Variants in PACRG observed in about 807,000 individuals in gnomAD.
The protein encoded by PACRG is parkin coregulated.
Under a neutral mutation model 29.7 loss-of-function variants are expected in PACRG, and 29 were observed. That is an observed-to-expected ratio of 0.98 (90% CI 0.73 to 1.33). The LOEUF is 1.33. Ranked by LOEUF, PACRG falls within the 40% of genes most tolerant of loss-of-function variation. PACRG has a pLI of 0.00. For synonymous variants in PACRG, 116 were observed against 118.7 expected (o/e 0.98, Z 0.15); for missense variants, 279 against 316.2 (o/e 0.88, Z 0.89).
intron 1 of PACRG, among the ~76,000 whole-genome samples, chr6:162,752,040 A>G (rs894865183): frequency 6.6e-6 from 1 of 152,202 alleles, no homozygotes. Flanking sequence ...AAAAACATGA[A>G]GTATGGTAAA....
At chr6:163,275,408 C>A (rs1783989707) in intron 4 of PACRG, among the ~76,000 whole-genome samples, 1 of 152,172 alleles carries the variant, frequency 6.6e-6, no homozygotes, top group Non-Finnish European at 1.5e-5. Flanking sequence ...CAACACTCAG[C>A]ACTGATCATT....
At chr6:162,861,473 C>A (rs1791855466) in intron 2 of PACRG, among the ~76,000 whole-genome samples, 1 of 152,054 alleles carries the variant, frequency 6.6e-6, no homozygotes, top group Non-Finnish European at 1.5e-5. Context: ...TTGTATATTC[C>A]TCAAATTTTT....
At chr6:162,923,277 C>A (rs745496236) in intron 2 of PACRG, among the ~76,000 whole-genome samples, 7 of 152,136 alleles carry the variant, frequency 4.6e-5, no homozygotes, top group Non-Finnish European at 7.4e-5. Context: ...TGGTGTTCGT[C>A]CCTTGTCAGA....
intron 2 of PACRG, among the ~76,000 whole-genome samples, chr6:162,958,882 TATAGAGAGAG>T (rs1457778354): frequency 1.8e-3 from 27 of 15,102 alleles, no homozygotes; most frequent in South Asian, 3.3e-3. Context: ...TATATATATA[TATAGAGAGAG>T]AGAGAGAGAG....
chr6:163,224,367 T>TAAAAAA (rs1781701543), intron 4 of PACRG, among the ~76,000 whole-genome samples: 1 of 8,822 alleles, frequency 1.1e-4, no homozygotes, highest in African/African-American at 3.7e-4. Flanking sequence ...AGACTCCATC[T>TAAAAAA]CAAAAAAAAA....
intron 4 of PACRG, among the ~76,000 whole-genome samples, chr6:163,274,671 C>T (rs1195899449): frequency 6.6e-6 from 1 of 152,188 alleles, no homozygotes; most frequent in East Asian, 1.9e-4. Flanking sequence ...GTTCCTATTT[C>T]TCCACATCCT....
intron 2 of PACRG, among the ~76,000 whole-genome samples, chr6:162,903,611 A>G (rs1795722204): frequency 6.6e-6 from 1 of 152,174 alleles, no homozygotes; most frequent in Non-Finnish European, 1.5e-5. Flanking sequence ...TATGGGGGAA[A>G]CTGCCCCCAT....
intron 2 of PACRG, among the ~76,000 whole-genome samples, chr6:162,950,794 A>G (rs532923730): frequency 7.0e-4 from 106 of 152,364 alleles, no homozygotes; most frequent in South Asian, 2.5e-3. Flanking sequence ...CAATATAAAC[A>G]TTGAAAAAGC....
chr6:162,946,351 C>G (rs1251827608), intron 2 of PACRG, among the ~76,000 whole-genome samples: 1 of 151,884 alleles, frequency 6.6e-6, no homozygotes, highest in Non-Finnish European at 1.5e-5. Context: ...TCATCAGAAA[C>G]TATTATGAAC....
At chr6:163,192,761 T>C (rs954582536) in intron 4 of PACRG, among the ~76,000 whole-genome samples, 1 of 152,224 alleles carries the variant, frequency 6.6e-6, no homozygotes, top group African/African-American at 2.4e-5. Flanking sequence ...CTGTGTGTAT[T>C]TGCAGGGAAG....
intron 2 of PACRG, among the ~76,000 whole-genome samples, chr6:162,900,841 C>G (rs955244521): frequency 5.3e-5 from 8 of 152,108 alleles, no homozygotes; most frequent in Non-Finnish European, 1.0e-4. Context: ...GTTTTTAAAC[C>G]CTTGATTTTC....
chr6:163,104,692 A>G (rs950243184), intron 4 of PACRG, among the ~76,000 whole-genome samples: 5 of 152,348 alleles, frequency 3.3e-5, no homozygotes, highest in African/African-American at 9.6e-5. Flanking sequence ...AATTTACACA[A>G]TGTTTTCATT....
chr6:163,124,733 G>A (rs1435062555), intron 4 of PACRG, among the ~76,000 whole-genome samples: 2 of 152,164 alleles, frequency 1.3e-5, no homozygotes, highest in African/African-American at 2.4e-5. Context: ...GAAGCCAAGG[G>A]CATCTTGCAT....
chr6:163,201,637 G>A (rs946614780), intron 4 of PACRG, among the ~76,000 whole-genome samples: 1 of 152,220 alleles, frequency 6.6e-6, no homozygotes, highest in Non-Finnish European at 1.5e-5. Context: ...AGGCAGAAAG[G>A]AACAAGTCAT....
chr6:163,155,116 T>C (rs761854216), intron 4 of PACRG, among the ~76,000 whole-genome samples: 1 of 152,192 alleles, frequency 6.6e-6, no homozygotes, highest in Non-Finnish European at 1.5e-5. Context: ...TACAAAACTC[T>C]CAAATCAACT....
At chr6:162,893,158 G>A (rs1201475699) in intron 2 of PACRG, among the ~76,000 whole-genome samples, 1 of 152,144 alleles carries the variant, frequency 6.6e-6, no homozygotes, top group Non-Finnish European at 1.5e-5. Context: ...CCTTGTGAAG[G>A]AAAATAACTT....
At chr6:163,164,046 G>C (rs1381094789) in intron 4 of PACRG, among the ~76,000 whole-genome samples, 1 of 151,742 alleles carries the variant, frequency 6.6e-6, no homozygotes, top group Non-Finnish European at 1.5e-5. Context: ...TTATTTTTCT[G>C]TTCTCATGCC....
At chr6:163,235,029 G>A (rs1399643404) in intron 4 of PACRG, among the ~76,000 whole-genome samples, 7 of 152,198 alleles carry the variant, frequency 4.6e-5, no homozygotes, top group Non-Finnish European at 8.8e-5. Flanking sequence ...AAAGATATGA[G>A]CTCCATGAAA....
rs150836883 is a variant in PACRG, at chr6:162,966,227, C to A, written c.292-95923C>A. Among the ~76,000 whole-genome samples the A allele has an allele frequency of 2.4e-4, 37 of 152,300 alleles. 1 individual carries two copies. In the East Asian group the frequency reaches 7.2e-3, roughly 29 times the overall value. On this transcript the variant is annotated intron_variant, in intron 2 of 4. Coordinates refer to ENST00000366888, the MANE Select transcript of PACRG (RefSeq NM_001080379.2). ...TCCTAAGACATCTTTATCAGAGAAG[C>A]CTCATGTGACCCAGAGTAGGTTCAG...
Sources: allele counts gnomAD v4.1 joint callset (sites outside exome capture counted in the v4.1 genomes callset), GRCh38; gene constraint gnomAD v4.1.1; transcripts MANE v1.5; gene names NCBI Gene and HGNC (gene_info 2026-07-23, HGNC 2026-07-21).